The following PRELID2 variants were observed in gnomAD, a reference collection of about 807,000 sequenced individuals.
The protein encoded by PRELID2 is PRELI domain containing 2, also known as PRELI domain-containing protein 2.
PRELID2 carries 25 observed loss-of-function variants against 28.4 expected under a neutral mutation model. That is an observed-to-expected ratio of 0.88 (90% CI 0.64 to 1.23). The LOEUF (loss-of-function observed/expected upper bound fraction) is 1.23, where lower values mean the gene tolerates loss of function less well. PRELID2 is among the 50% of genes most tolerant of loss of function. The pLI is 0.00. For missense variants in PRELID2, 201 were observed against 214.4 expected (o/e 0.94, Z 0.39); for synonymous variants, 76 against 71.6 (o/e 1.06, Z -0.31).
rs80308776 is a variant in PRELID2 at position 145,772,516 on chromosome 5, C to T, written c.475-7516G>A. Among the ~76,000 whole-genome samples, 96 of 152,296 alleles carry T rather than the reference C, an allele frequency of 6.3e-4. No individual in the cohort carries two copies. In the East Asian group the frequency reaches 0.017, roughly 26 times the overall value. On this transcript the variant is annotated intron_variant, in intron 5 of 6. Transcript: ENST00000683046. ...TTGAGGGAGTGCATCTGGTGAGGGC[C>T]TTCTTGCTGTGTTATAACATGGCAG...
intron 1 of PRELID2, among the ~76,000 whole-genome samples, chr5:145,710,612 G>A (rs1313483200): frequency 2.6e-5 from 4 of 152,308 alleles, no homozygotes; most frequent in African/African-American, 7.2e-5. Flanking sequence ...GAAGTCAGGA[G>A]GCAGGCAATC....
chr5:145,557,178 T>C (rs1052081949), intron 1 of PRELID2, among the ~76,000 whole-genome samples: 55 of 152,160 alleles, frequency 3.6e-4, no homozygotes, highest in South Asian at 4.1e-4. Flanking sequence ...ATGACTAGAA[T>C]TGGTAAGAAA....
In PRELID2 at chr5:145,724,605, ATATATATATATATATATATATAT is replaced by A. The variant is rs1756084536; in HGVS notation, n.70+40303_70+40325del. 9.7e-5 allele frequency among the ~76,000 whole-genome samples: 8 copies of A among 82,624 alleles called. 1 individual carries two copies. The highest frequency in any genetic ancestry group is 2.6e-4 in the Admixed American group (2 of 7,706). 54.2% of individuals were successfully genotyped at this position (82,624 alleles called of 152,430 possible). ...GAAATAACAAGAAGTAAATAAATAT[ATATATATATATATATATATATAT>A]ATATATATATATATATATAATGCCT... On this transcript the variant is annotated intron_variant and non_coding_transcript_variant, in intron 1 of 2. Transcript: ENST00000510259.
chr5:145,753,976 G>A (rs1581141410), downstream of PRELID2, among the ~76,000 whole-genome samples: 1 of 152,090 alleles, frequency 6.6e-6, no homozygotes, highest in African/African-American at 2.4e-5. Flanking sequence ...GGGCTCGCAG[G>A]ACTAGCCCAC....
At chr5:145,690,283 G>A (rs1401646468) in intron 1 of PRELID2, among the ~76,000 whole-genome samples, 1 of 152,112 alleles carries the variant, frequency 6.6e-6, no homozygotes, top group Non-Finnish European at 1.5e-5. Context: ...CACAGCCACC[G>A]CATCTGGCGA....
intron 5 of PRELID2, among the ~76,000 whole-genome samples, chr5:145,777,248 G>A (rs1758467060): frequency 6.6e-6 from 1 of 152,152 alleles, no homozygotes; most frequent in South Asian, 2.1e-4. Flanking sequence ...TGTTGCCCAG[G>A]CTGGAGTGCA....
the PRELID2 span, among the ~76,000 whole-genome samples, chr5:145,288,550 T>A: frequency 6.6e-6 from 1 of 152,262 alleles, no homozygotes; most frequent in African/African-American, 2.4e-5. Context: ...GAGCCCTAAG[T>A]CATTTTATTA....
At chr5:145,400,504 A>C in the PRELID2 span, among the ~76,000 whole-genome samples, 1 of 152,064 alleles carries the variant, frequency 6.6e-6, no homozygotes, top group East Asian at 1.9e-4. Flanking sequence ...AGGGGAAAAA[A>C]ATCTAACATT....
chr5:145,387,077 C>G, the PRELID2 span, among the ~76,000 whole-genome samples: 1 of 152,092 alleles, frequency 6.6e-6, no homozygotes, highest in South Asian at 2.1e-4. Flanking sequence ...GTCAATAAAT[C>G]AATAGATATT....
chr5:145,401,477 T>C, the PRELID2 span, among the ~76,000 whole-genome samples: 12 of 152,136 alleles, frequency 7.9e-5, no homozygotes, highest in Admixed American at 4.6e-4. Context: ...AAGACTGTGA[T>C]ATAGATTTTG....
chr5:145,748,675 T>C (rs1757054996), intron 1 of PRELID2, among the ~76,000 whole-genome samples: 1 of 152,172 alleles, frequency 6.6e-6, no homozygotes, highest in Non-Finnish European at 1.5e-5. Context: ...AACACAATCC[T>C]AAGCAAAAAG....
chr5:145,640,122 A>C (rs1282122336), intron 1 of PRELID2, among the ~76,000 whole-genome samples: 7 of 152,188 alleles, frequency 4.6e-5, no homozygotes. Flanking sequence ...CAAAAGATGA[A>C]GAGAGCTGTG....
At chr5:145,832,910 C>T (rs946904390) in intron 1 of PRELID2, among the ~76,000 whole-genome samples, 41 of 152,188 alleles carry the variant, frequency 2.7e-4, no homozygotes, top group African/African-American at 9.9e-4. Flanking sequence ...TCTCTGACTT[C>T]AGCAGGCCTC....
chr5:145,787,827 C>T (rs570578627), intron 5 of PRELID2, among the ~76,000 whole-genome samples: 2 of 152,238 alleles, frequency 1.3e-5, no homozygotes, highest in African/African-American at 4.8e-5. Flanking sequence ...AGGCATGAGC[C>T]ACCACACCCT....
At chr5:145,677,017 G>T (rs555905837) in intron 1 of PRELID2, among the ~76,000 whole-genome samples, 1 of 152,084 alleles carries the variant, frequency 6.6e-6, no homozygotes, top group Non-Finnish European at 1.5e-5. Context: ...AACAAATTGT[G>T]AGAAAGCATT....
intron 1 of PRELID2, among the ~76,000 whole-genome samples, chr5:145,682,901 T>A (rs751989207): frequency 1.3e-5 from 2 of 152,140 alleles, no homozygotes; most frequent in Admixed American, 6.6e-5. Context: ...AAAACTAACA[T>A]CATCTTCATG....
the PRELID2 span, among the ~76,000 whole-genome samples, chr5:145,261,910 G>A: frequency 1.3e-5 from 2 of 152,074 alleles, no homozygotes; most frequent in Non-Finnish European, 2.9e-5. Flanking sequence ...ATTAGAGGAA[G>A]GTGAAGTTCA....
downstream of PRELID2, among the ~76,000 whole-genome samples, chr5:145,755,717 A>G (rs1021300007): frequency 2.7e-5 from 4 of 146,166 alleles, no homozygotes; most frequent in African/African-American, 1.0e-4. Flanking sequence ...CCCTCATATA[A>G]TGATACACGC....
chr5:145,757,362 T>A lies in PRELID2; in HGVS notation c.*3174A>T, dbSNP rs890941796. ...TTATACTGTGTCCTGAATGATCAAC[T>A]GAAATTCCACGAATCAGAATCGCTG... On this transcript the variant is annotated 3_prime_UTR_variant, in exon 7 of 7. Transcript: ENST00000683046. Among the ~76,000 whole-genome samples the A allele has an allele frequency of 7.2e-5, 11 of 152,200 alleles. No homozygotes were observed.
Sources: allele counts gnomAD v4.1 joint callset (sites outside exome capture counted in the v4.1 genomes callset), GRCh38; gene constraint gnomAD v4.1.1; transcripts MANE v1.5; gene names NCBI Gene and HGNC (gene_info 2026-07-23, HGNC 2026-07-21).